MMRN1: variants seen among roughly 807,000 people sequenced by gnomAD.
MMRN1 encodes multimerin 1.
A neutral mutation model predicts 100.7 loss-of-function variants in MMRN1; 94 were observed. That is an observed-to-expected ratio of 0.93 (90% confidence interval 0.79 to 1.11). MMRN1 has a LOEUF of 1.11. MMRN1 is among the 50% of genes least tolerant of loss of function. The probability of loss-of-function intolerance (pLI) is 0.00; values close to 1 mark genes in which losing one functional copy is unlikely to be tolerated. For missense variants in MMRN1, 1,606 were observed against 1,439.1 expected (o/e 1.12, Z -1.88); for synonymous variants, 575 against 505.0 (o/e 1.14, Z -1.86).
intron 4 of MMRN1, among the ~76,000 whole-genome samples, chr4:89,924,707 G>T (rs1722192753): frequency 6.6e-6 from 1 of 151,982 alleles, no homozygotes. Context: ...AGTCTAACGT[G>T]GTGGTGTGTG....
At chr4:89,882,390 A>G (rs1384035209) in intron 1 of MMRN1, among the ~76,000 whole-genome samples, 1 of 151,628 alleles carries the variant, frequency 6.6e-6, no homozygotes. Flanking sequence ...TTTTAAATTT[A>G]TGTGCATTTA....
intron 5 of MMRN1, among the ~76,000 whole-genome samples, chr4:89,931,379 C>T (rs1329344005): frequency 1.3e-5 from 2 of 152,006 alleles, no homozygotes; most frequent in Non-Finnish European, 1.5e-5. Flanking sequence ...CATGTGGAGC[C>T]TATTTTTTTA....
At position 89,895,484 on chromosome 4, in the gene MMRN1, T is replaced by C; in HGVS notation, c.513T>C (p.Thr171=). 1 of 1,613,830 alleles carries C rather than the reference T, an allele frequency of 6.2e-7. No individual in the cohort carries two copies. Among genetic ancestry groups the C allele is most frequent in the Non-Finnish European group, 8.5e-7 (1 of 1,179,896 alleles). The change falls in exon 1 of 8, where the codon ACT becomes ACC. Residue 171 remains threonine, a synonymous_variant. Coordinates refer to ENST00000264790, the MANE Select transcript of MMRN1 (RefSeq NM_007351.3). ...GAGGCATTGGAGGCGTTGGAGGCAC[T>C]GGAGGCGTGGGAAATCGAGCCCCAC... is the stretch of plus-strand genomic sequence containing the variant. The part of the protein sequence containing the change: ...GTGGIGGVGG[T]GGVGNRAPRE...
rs115471099 is a variant in MMRN1, at chr4:89,911,915, G to T, written c.744-29G>T. On this transcript the variant is annotated intron_variant, in intron 2 of 7. Coordinates refer to ENST00000264790, the MANE Select transcript of MMRN1 (RefSeq NM_007351.3). ...ATAATTTAATGTGAAACAAATAATC[G>T]ATTTCCCTCCAATTGCTCAACTCTC... 1,676 of 1,419,454 alleles carry T rather than the reference G, an allele frequency of 1.2e-3. 42 individuals are homozygous for T. The South Asian group carries it at 0.019, about 16-fold the overall frequency. The allele number at this position is 1,419,454 out of a possible 1,614,324, so 87.9% of individuals were successfully genotyped here. A position where few individuals can be genotyped will look rare whatever the true frequency, so the allele number is the denominator to read the frequency against.
At chr4:89,890,222 C>T (rs1156968884), upstream of MMRN1, among the ~76,000 whole-genome samples, 89 of 142,712 alleles carry the variant, frequency 6.2e-4, no homozygotes, top group African/African-American at 2.2e-3. Context: ...GTTCTTTTGT[C>T]TTTTATTTTG....
intron 3 of MMRN1, among the ~76,000 whole-genome samples, chr4:89,913,107 A>G (rs115962972): frequency 0.015 from 2,324 of 151,412 alleles, 35 homozygotes; most frequent in Middle Eastern, 0.061. Context: ...CATATTTTAA[A>G]AAGACCCAAA....
intron 1 of MMRN1, among the ~76,000 whole-genome samples, chr4:89,908,877 TTTATTTAC>T (rs1349897574): frequency 6.6e-6 from 1 of 151,512 alleles, no homozygotes; most frequent in East Asian, 1.9e-4. Context: ...TTTGAAACCA[TTTATTTAC>T]TTATTTACTT....
chr4:89,890,921 G>A (rs956421142), upstream of MMRN1, among the ~76,000 whole-genome samples: 4 of 151,414 alleles, frequency 2.6e-5, no homozygotes, highest in Admixed American at 6.6e-5. Context: ...TTAATATTAA[G>A]AATTATATAA....
intron 5 of MMRN1, among the ~76,000 whole-genome samples, chr4:89,931,035 A>C (rs1324538999): frequency 6.6e-6 from 1 of 152,018 alleles, no homozygotes; most frequent in Admixed American, 6.6e-5. Context: ...ATTGATTACT[A>C]TTCTATATTT....
chr4:89,916,202 T>A (rs1721910840), intron 3 of MMRN1, among the ~76,000 whole-genome samples: 1 of 151,642 alleles, frequency 6.6e-6, no homozygotes, highest in African/African-American at 2.4e-5. Context: ...CTATTGAATT[T>A]GTAAAACAGG....
In MMRN1 at chr4:89,935,547, G is replaced by A. The variant is rs1722592660; in HGVS notation, c.1867G>A (p.Glu623Lys). The A allele has an allele frequency of 1.2e-6, 2 of 1,613,134 alleles. No individual in the cohort carries two copies. The highest frequency in any genetic ancestry group is 1.7e-6 in the Non-Finnish European group (2 of 1,179,652). Residue 623 changes from glutamate (E) to lysine (K), a missense_variant, in exon 6 of 8, where the codon GAA (glutamate) becomes AAA (lysine). Coordinates refer to ENST00000264790, the MANE Select transcript of MMRN1 (RefSeq NM_007351.3). ...ACATGTGTTAAATCAAACATTGGCTGAAGTTCTCTTTCCAATGGACAATAA... is the reference window on the plus strand; with the variant it reads ...ACATGTGTTAAATCAAACATTGGCTAAAGTTCTCTTTCCAATGGACAATAA... ...NLHVLNQTLAEVLFPMDNKMD... is the reference protein window; with the variant it reads ...NLHVLNQTLAKVLFPMDNKMD...
chr4:89,931,084 T>C (rs1722418384), intron 5 of MMRN1, among the ~76,000 whole-genome samples: 1 of 152,142 alleles, frequency 6.6e-6, no homozygotes, highest in African/African-American at 2.4e-5. Flanking sequence ...TACAAATTGA[T>C]CTTTGGACTT....
intron 2 of MMRN1, among the ~76,000 whole-genome samples, chr4:89,911,076 G>T (rs182161688): frequency 6.6e-6 from 1 of 151,408 alleles, no homozygotes; most frequent in South Asian, 2.1e-4. Flanking sequence ...AGGAAATGAG[G>T]ATAATAATAA....
Position 89,920,465 on chromosome 4 carries a change from A to G in MMRN1, c.851-2703A>G, listed in dbSNP as rs76780448. Among the ~76,000 whole-genome samples, 659 of 152,274 alleles carry G rather than the reference A, an allele frequency of 4.3e-3. 2 individuals carry two copies. The highest frequency in any genetic ancestry group is 6.4e-3 in the Non-Finnish European group (436 of 68,016). Reference sequence around the variant, plus strand: ...TTTAGGGATCTTGTGTTATAACAATAGAAAGAATGGTAATATCTGCATGAG... The same window carrying G: ...TTTAGGGATCTTGTGTTATAACAATGGAAAGAATGGTAATATCTGCATGAG... On this transcript the variant is annotated intron_variant, in intron 3 of 7. Coordinates refer to ENST00000264790, the MANE Select transcript of MMRN1 (RefSeq NM_007351.3).
rs562913822 is a variant in MMRN1 at position 89,951,458 on chromosome 4, C to A, written c.3119-147C>A. 149 of 724,546 alleles carry A rather than the reference C, an allele frequency of 2.1e-4. 1 individual carries two copies. In the African/African-American group the frequency reaches 2.5e-3, roughly 12 times the overall value. 44.9% of individuals were successfully genotyped at this position (724,546 alleles called of 1,614,324 possible). A position where few individuals can be genotyped will look rare whatever the true frequency, so the allele number is the denominator to read the frequency against. On this transcript the variant is annotated intron_variant, in intron 6 of 7. Coordinates refer to ENST00000264790, the MANE Select transcript of MMRN1 (RefSeq NM_007351.3). ...AGGGATTTGCATGACGTCCTGTGCC[C>A]AGATCGACAGGCATCCTGGGCCGTG...
chr4:89,908,367 T>G (rs996258032), intron 1 of MMRN1, among the ~76,000 whole-genome samples: 2 of 151,458 alleles, frequency 1.3e-5, no homozygotes, highest in Admixed American at 6.6e-5. Flanking sequence ...AATTTATGTT[T>G]TTAGTTTATT....
rs1264182143 is a variant in MMRN1 at position 89,936,504 on chromosome 4, A to G, written c.2824A>G (p.Asn942Asp). The change falls in exon 6 of 8, where the codon AAT becomes GAT. Residue 942 changes from asparagine to aspartate, a missense_variant. Coordinates refer to ENST00000264790, the MANE Select transcript of MMRN1 (RefSeq NM_007351.3). ...HNASTSVSEL[N>D]ATIPKWIKHS... ...TGCTTCTACAAGTGTGTCAGAACTG[A>G]ATGCTACCATCCCTAAGTGGATAAA... 6.2e-7 allele frequency: 1 copy of G among 1,613,332 alleles called. No individual in the cohort carries two copies. Among genetic ancestry groups the G allele is most frequent in the East Asian group, 2.2e-5 (1 of 44,794 alleles).
intron 3 of MMRN1, among the ~76,000 whole-genome samples, chr4:89,917,486 A>C (rs1727161170): frequency 6.6e-6 from 1 of 151,908 alleles, no homozygotes; most frequent in Non-Finnish European, 1.5e-5. Context: ...TCAAAAATTA[A>C]GAATGCATTA....
rs1297488375 is a variant in MMRN1, at chr4:89,935,300, T to C, written c.1620T>C (p.Asn540=). 3 of 1,613,638 alleles carry C rather than the reference T, an allele frequency of 1.9e-6. No individual in the cohort carries two copies. Among genetic ancestry groups the C allele is most frequent in the Non-Finnish European group, 2.5e-6 (3 of 1,179,786 alleles). The part of the protein sequence containing the change: ...KNAPAAESVS[N]NVTEYMSTLH... The stretch of plus-strand genomic sequence containing the variant: ...CTCCAGCTGCTGAGTCAGTTAGCAA[T>C]AATGTCACTGAGTACATGTCTACTT... The change falls in exon 6 of 8, where the codon AAT becomes AAC. Residue 540 remains asparagine (N), a synonymous_variant. Coordinates refer to ENST00000264790, the MANE Select transcript of MMRN1 (RefSeq NM_007351.3).
Sources: gnomAD v4.1 joint callset for allele counts (sites outside exome capture counted in the v4.1 genomes callset) on GRCh38, gnomAD v4.1.1 for gene constraint, MANE v1.5 for transcripts, NCBI Gene and HGNC (gene_info 2026-07-23, HGNC 2026-07-21) for gene names.